The following TRIM50 variants were observed in gnomAD, a reference collection of about 807,000 sequenced individuals.
The protein encoded by TRIM50 is tripartite motif containing 50, also known as E3 ubiquitin-protein ligase TRIM50.
TRIM50 carries 34 observed loss-of-function variants against 44.9 expected under a neutral mutation model. That is an observed-to-expected ratio of 0.76 (90% CI 0.58 to 1.01). TRIM50 has a LOEUF of 1.01. TRIM50 is among the 50% of genes least tolerant of loss of function. The probability of loss-of-function intolerance (pLI) is 0.00; values close to 1 mark genes in which losing one functional copy is unlikely to be tolerated. For missense variants in TRIM50, 633 were observed against 663.7 expected (o/e 0.95, Z 0.51); for synonymous variants, 307 against 291.1 (o/e 1.05, Z -0.56).
chr7:73,317,530 G>A (rs1435950725), intron 5 of TRIM50, among the ~76,000 whole-genome samples: 3 of 151,614 alleles, frequency 2.0e-5, no homozygotes, highest in African/African-American at 4.8e-5. Context: ...GCTAATTTTT[G>A]TATTTTTCAT....
At chr7:73,318,325 T>C (rs566363398) in intron 5 of TRIM50, among the ~76,000 whole-genome samples, 2 of 152,190 alleles carry the variant, frequency 1.3e-5, no homozygotes, top group South Asian at 4.1e-4. Flanking sequence ...TTTGTAGAGA[T>C]GGGGTCTTAC....
At chr7:73,323,318 G>A (rs13240897) in intron 2 of TRIM50, among the ~76,000 whole-genome samples, 7 of 152,074 alleles carry the variant, frequency 4.6e-5, no homozygotes, top group Non-Finnish European at 8.8e-5. Flanking sequence ...CACCCCCACC[G>A]ATGTTCCCTC....
intron 2 of TRIM50, among the ~76,000 whole-genome samples, chr7:73,322,668 G>A (rs1307821819): frequency 6.6e-6 from 1 of 152,176 alleles, no homozygotes; most frequent in African/African-American, 2.4e-5. Flanking sequence ...TGGTGTTCCC[G>A]CTCTGAGGAT....
chr7:73,323,862 A>C (rs1201276289), intron 2 of TRIM50, among the ~76,000 whole-genome samples: 2 of 152,036 alleles, frequency 1.3e-5, no homozygotes, highest in African/African-American at 2.4e-5. Flanking sequence ...GCAACATAAC[A>C]AGACCCCATT....
intron 2 of TRIM50, 61 bp from the exon 3 acceptor site, chr7:73,320,303 A>C (rs1388970222): frequency 1.2e-6 from 2 of 1,612,948 alleles, no homozygotes; most frequent in Admixed American, 1.7e-5. Flanking sequence ...AGCTCCTTGG[A>C]TCACCTTCTT....
intron 2 of TRIM50, among the ~76,000 whole-genome samples, 200 bp downstream of exon 2, chr7:73,324,189 T>G (rs1331782614): frequency 6.6e-6 from 1 of 151,922 alleles, no homozygotes; most frequent in African/African-American, 2.4e-5. Flanking sequence ...ACCAGGGAGC[T>G]CCCATCCTGT....
chr7:73,323,306 C>A (rs1459339232), intron 2 of TRIM50, among the ~76,000 whole-genome samples: 2 of 152,000 alleles, frequency 1.3e-5, no homozygotes, highest in Non-Finnish European at 2.9e-5. Flanking sequence ...CTGGCCCTAT[C>A]TCACCCCCAC....
intron 2 of TRIM50, among the ~76,000 whole-genome samples, chr7:73,322,849 C>T (rs1176659556): frequency 3.3e-5 from 5 of 152,156 alleles, no homozygotes; most frequent in Admixed American, 6.5e-5. Flanking sequence ...CCACACCTCT[C>T]GCCCTGAGCC....
chr7:73,325,809 A>C (rs537439031), intron 1 of TRIM50, among the ~76,000 whole-genome samples: 4 of 149,996 alleles, frequency 2.7e-5, no homozygotes, highest in African/African-American at 9.8e-5. Flanking sequence ...TCATGACCCC[A>C]ACAGGAGCAG....
chr7:73,313,358 C>G lies in TRIM50; in HGVS notation c.1027G>C (p.Gly343Arg). ...CAGTAGTGGCGGCCGCAGGAGAAGCCGCGGCTGGCCAGGACGCAGGTGCTG... is the reference window on the plus strand; with the variant it reads ...CAGTAGTGGCGGCCGCAGGAGAAGCGGCGGCTGGCCAGGACGCAGGTGCTG... ...DYSTCVLASRGFSCGRHYWEV... is the reference protein window; with the variant it reads ...DYSTCVLASRRFSCGRHYWEV... The change falls in exon 7 of 7, where the codon GGC (glycine) becomes CGC (arginine). Residue 343 changes from glycine to arginine, a missense_variant. Physicochemically the swap from Gly to Arg is moderately radical, Grantham distance 125 (BLOSUM62 -2). Coordinates refer to ENST00000333149, the MANE Select transcript of TRIM50 (RefSeq NM_178125.3). This position sits in a 1 kb window ranked among gnomAD's most constrained non-coding sequence, Gnocchi z 4.9. 6.3e-7 allele frequency: 1 copy of G among 1,599,146 alleles called. No individual in the cohort carries two copies. The highest frequency in any genetic ancestry group is 2.3e-5 in the East Asian group (1 of 44,230).
At chr7:73,322,457 C>T (rs1804518731) in intron 2 of TRIM50, among the ~76,000 whole-genome samples, 1 of 152,190 alleles carries the variant, frequency 6.6e-6, no homozygotes. Flanking sequence ...TTCCCTCCCT[C>T]CTTCCCATTA....
chr7:73,315,067 C>A (rs1167760516), intron 6 of TRIM50: 3 of 335,114 alleles, frequency 9.0e-6, no homozygotes, highest in Admixed American at 7.1e-5. Flanking sequence ...TTGGGCTAAG[C>A]TGGTGGAAGC....
rs1804296793 is a variant in TRIM50 at position 73,313,874 on chromosome 7, G to A, written c.875-364C>T. Among the ~76,000 whole-genome samples, 2 of 152,200 alleles carry A rather than the reference G, an allele frequency of 1.3e-5. 1 individual carries two copies. Among genetic ancestry groups the A allele is most frequent in the South Asian group, 4.1e-4 (2 of 4,838 alleles). On this transcript the variant is annotated intron_variant, in intron 6 of 6. Transcript: ENST00000333149. This position sits in a 1 kb window ranked among gnomAD's most constrained non-coding sequence, Gnocchi z 4.9. ...TCTGGCCTGCCTGCCTGACACAGAG[G>A]TGTTGTGGGAAGGACCCGGAAGACA...
Position 73,327,910 on chromosome 7 carries a change from G to A in TRIM50, c.-29C>T. On this transcript the variant is annotated 5_prime_UTR_variant, in exon 1 of 7. Transcript: ENST00000333149. ...GCTCTCGTTACGTACCCAGCCTCCG[G>A]CCCCTGTAAGTGCCCCATCGTGCTC... 2.2e-6 allele frequency: 1 copy of A among 452,724 alleles called. No homozygotes were observed. The highest frequency in any genetic ancestry group is 2.4e-5 in the South Asian group (1 of 41,924). 28.0% of individuals were successfully genotyped at this position (452,724 alleles called of 1,614,324 possible).
Position 73,320,155 on chromosome 7 carries a change from G to C in TRIM50, c.487C>G (p.Arg163Gly), listed in dbSNP as rs557048434. Reference sequence around the variant, plus strand: ...AGGGAAGGGGCACTCACGACGATTCGGGTCCGGTTGTTCACCAGTTTGGCG... The same window carrying C: ...AGGGAAGGGGCACTCACGACGATTCCGGTCCGGTTGTTCACCAGTTTGGCG... ...LIAKLVNNRT[R>G]IVNESDVFSW... Residue 163 changes from arginine to glycine, a missense_variant, in exon 3 of 7, where the codon CGA becomes GGA. Coordinates refer to ENST00000333149, the MANE Select transcript of TRIM50 (RefSeq NM_178125.3). The C allele has an allele frequency of 6.2e-7, 1 of 1,612,274 alleles. No homozygotes were observed. The highest frequency in any genetic ancestry group is 1.7e-5 in the Admixed American group (1 of 60,018).
Position 73,313,161 on chromosome 7 carries a change from G to C in TRIM50, c.1224C>G (p.Ala408=). The change falls in exon 7 of 7, where the codon GCC becomes GCG. Residue 408 remains alanine, a synonymous_variant. Transcript: ENST00000333149. The surrounding 1 kb of genome is among the most constrained non-coding windows in gnomAD (Gnocchi z 4.9). The part of the protein sequence containing the change: ...FACPRVPLPV[A]GHPHRIGLYL... ...AGAGCCCGATGCGGTGGGGGTGGCCGGCCACGGGCAGGGGTACCCGGGGGC... is the reference window on the plus strand; with the variant it reads ...AGAGCCCGATGCGGTGGGGGTGGCCCGCCACGGGCAGGGGTACCCGGGGGC... 2 of 1,588,176 alleles carry C rather than the reference G, an allele frequency of 1.3e-6. No individual in the cohort carries two copies. The highest frequency in any genetic ancestry group is 1.7e-6 in the Non-Finnish European group (2 of 1,167,552).
intron 2 of TRIM50, among the ~76,000 whole-genome samples, 188 bp downstream of exon 2, chr7:73,324,201 C>T (rs1175656534): frequency 1.3e-5 from 2 of 152,188 alleles, no homozygotes; most frequent in African/African-American, 4.8e-5. Flanking sequence ...CCATCCTGTT[C>T]GTGTGGCTTC....
In TRIM50 at chr7:73,313,471, G is replaced by T; in HGVS notation, c.914C>A (p.Pro305Gln). 1 of 1,534,882 alleles carries T rather than the reference G, an allele frequency of 6.5e-7. No individual in the cohort carries two copies. ...GTTGCCCTTGGAGAGCTCCAGGAGT[G>T]GGTGGGCAGTGGCAGGGTCCAACTT... ...PLKLDPATAH[P>Q]LLELSKGNTV... The change falls in exon 7 of 7, where the codon CCA becomes CAA. Residue 305 changes from proline to glutamine, a missense_variant. Coordinates refer to ENST00000333149, the MANE Select transcript of TRIM50 (RefSeq NM_178125.3). This position sits in a 1 kb window ranked among gnomAD's most constrained non-coding sequence, Gnocchi z 4.9.
chr7:73,327,071 G>A (rs1189391363), intron 1 of TRIM50, among the ~76,000 whole-genome samples: 2 of 152,192 alleles, frequency 1.3e-5, no homozygotes, highest in Non-Finnish European at 2.9e-5. Flanking sequence ...GATTACAGGT[G>A]TGAGCCACCG....
Sources: gnomAD v4.1 joint callset for allele counts (sites outside exome capture counted in the v4.1 genomes callset) on GRCh38, gnomAD v4.1.1 for gene constraint, Gnocchi (gnomAD v3.1) non-coding constraint, MANE v1.5 for transcripts, NCBI Gene and HGNC (gene_info 2026-07-23, HGNC 2026-07-21) for gene names.